The following LIN7A variants were observed in gnomAD, a reference collection of about 807,000 sequenced individuals.
LIN7A encodes lin-7 cell polarity scaffold A, also known as protein lin-7 homolog A.
LIN7A carries 25 observed loss-of-function variants against 29.8 expected under a neutral mutation model. The ratio of observed to expected loss-of-function variants is 0.84; its 90% CI spans 0.61 to 1.17. The LOEUF (loss-of-function observed/expected upper bound fraction) is 1.17, where lower values mean the gene tolerates loss of function less well. Among genes scored for constraint, LIN7A ranks in the 50% most tolerant of loss-of-function variants. The pLI is 0.00. For synonymous variants in LIN7A, 118 were observed against 107.5 expected, an observed-to-expected ratio of 1.10 and a Z score of -0.60; for missense variants, 239 against 287.0, an observed-to-expected ratio of 0.83 and a Z score of 1.21.
intron 1 of LIN7A, among the ~76,000 whole-genome samples, chr12:80,905,699 AT>A (rs1486755240): frequency 6.6e-6 from 1 of 152,160 alleles, no homozygotes; most frequent in Non-Finnish European, 1.5e-5. Context: ...TGCTAATGGC[AT>A]CTTGGTAACA....
chr12:80,842,002 G>A (rs935800473), intron 4 of LIN7A: 27 of 1,272,910 alleles, frequency 2.1e-5, no homozygotes, highest in Non-Finnish European at 2.6e-5. Context: ...TGTATTAGGT[G>A]GTTCAATGTC....
At chr12:80,893,087 AC>A (rs1875709214) in intron 1 of LIN7A, among the ~76,000 whole-genome samples, 1 of 152,134 alleles carries the variant, frequency 6.6e-6, no homozygotes, top group African/African-American at 2.4e-5. Flanking sequence ...TAGTTTACAG[AC>A]CCCAGAGAGA....
intron 4 of LIN7A, among the ~76,000 whole-genome samples, chr12:80,831,148 G>T (rs774535511): frequency 6.6e-6 from 1 of 152,014 alleles, no homozygotes; most frequent in Non-Finnish European, 1.5e-5. Flanking sequence ...CCTAATAAAT[G>T]CTTATTGAGT....
chr12:80,814,137 T>G (rs1280390170), intron 4 of LIN7A, among the ~76,000 whole-genome samples: 2 of 152,224 alleles, frequency 1.3e-5, no homozygotes, highest in Non-Finnish European at 2.9e-5. Context: ...AAGGGATCAT[T>G]TGATCATTGG....
At chr12:80,821,003 G>C (rs1211806727) in intron 4 of LIN7A, among the ~76,000 whole-genome samples, 3 of 152,178 alleles carry the variant, frequency 2.0e-5, no homozygotes, top group Non-Finnish European at 2.9e-5. Context: ...ATAGGGAAAG[G>C]GTTATGGAAG....
At chr12:80,873,779 A>G (rs943960389) in intron 2 of LIN7A, among the ~76,000 whole-genome samples, 1 of 151,724 alleles carries the variant, frequency 6.6e-6, no homozygotes, top group Non-Finnish European at 1.5e-5. Context: ...CCTCACCTGG[A>G]CTATTCTAAG....
intron 4 of LIN7A, among the ~76,000 whole-genome samples, chr12:80,844,251 C>T (rs1021423974): frequency 6.6e-6 from 1 of 151,964 alleles, no homozygotes; most frequent in Non-Finnish European, 1.5e-5. Context: ...CAATAAAAAG[C>T]TTATCTCAAA....
chr12:80,924,379 T>C (rs1177716735), intron 1 of LIN7A, among the ~76,000 whole-genome samples: 2 of 152,216 alleles, frequency 1.3e-5, no homozygotes, highest in African/African-American at 4.8e-5. Context: ...ATTTATTGCA[T>C]TGGGGAAAAT....
intron 2 of LIN7A, 134 bp from the exon 3 acceptor site, chr12:80,848,456 G>A (rs1873180532): frequency 1.6e-6 from 1 of 638,470 alleles, no homozygotes; most frequent in African/African-American, 1.8e-5. Flanking sequence ...CTGATGTTTG[G>A]GAATGTACCT....
intron 5 of LIN7A, among the ~76,000 whole-genome samples, chr12:80,810,486 A>T (rs1184663209): frequency 6.6e-6 from 1 of 151,964 alleles, no homozygotes; most frequent in East Asian, 1.9e-4. Context: ...TAAAAAATGT[A>T]TTCATCCCTT....
chr12:80,933,796 G>A (rs1878052180), intron 1 of LIN7A, among the ~76,000 whole-genome samples: 2 of 152,080 alleles, frequency 1.3e-5, no homozygotes, highest in African/African-American at 2.4e-5. Flanking sequence ...TCAGGAGGGT[G>A]TTCCTTTACT....
chr12:80,818,525 C>A (rs1871643005), intron 4 of LIN7A, among the ~76,000 whole-genome samples: 2 of 152,112 alleles, frequency 1.3e-5, no homozygotes, highest in African/African-American at 4.8e-5. Flanking sequence ...GAGGCTCTTA[C>A]CTACCAATCC....
chr12:80,883,778 A>T (rs1875189006), intron 2 of LIN7A, among the ~76,000 whole-genome samples: 1 of 152,230 alleles, frequency 6.6e-6, no homozygotes, highest in Non-Finnish European at 1.5e-5. Context: ...TAGGTAGCCA[A>T]GTTGGGATTC....
At chr12:80,924,585 T>A (rs939232735) in intron 1 of LIN7A, among the ~76,000 whole-genome samples, 1 of 152,218 alleles carries the variant, frequency 6.6e-6, no homozygotes, top group Admixed American at 6.5e-5. Context: ...CAAGGTTATA[T>A]GGCTAGGATG....
At chr12:80,884,771 A>C (rs1200200798) in intron 2 of LIN7A, among the ~76,000 whole-genome samples, 1 of 152,148 alleles carries the variant, frequency 6.6e-6, no homozygotes, top group Non-Finnish European at 1.5e-5. Flanking sequence ...GAAAATACTA[A>C]CATTCAATTT....
chr12:80,920,337 G>A (rs914608005), intron 1 of LIN7A, among the ~76,000 whole-genome samples: 2 of 152,098 alleles, frequency 1.3e-5, no homozygotes, highest in Admixed American at 6.6e-5. Context: ...AGATATATTT[G>A]ATATCAGGGC....
intron 2 of LIN7A, among the ~76,000 whole-genome samples, chr12:80,856,330 T>G (rs7978990): frequency 0.34 from 52,014 of 152,058 alleles, 10,516 homozygotes; most frequent in African/African-American, 0.57. Context: ...GACAACATCT[T>G]TGTTAGGTCG....
At chr12:80,817,430 T>C (rs756557055) in intron 4 of LIN7A, among the ~76,000 whole-genome samples, 1 of 152,264 alleles carries the variant, frequency 6.6e-6, no homozygotes, top group African/African-American at 2.4e-5. Context: ...TACATAGATA[T>C]CATCTTGATC....
intron 1 of LIN7A, among the ~76,000 whole-genome samples, chr12:80,927,808 G>C (rs1218402418): frequency 6.6e-6 from 1 of 151,980 alleles, no homozygotes; most frequent in Non-Finnish European, 1.5e-5. Context: ...TGCTGCACCC[G>C]TCAACTCGTC....
Sources: gnomAD v4.1 joint callset for allele counts (sites outside exome capture counted in the v4.1 genomes callset) on GRCh38, gnomAD v4.1.1 for gene constraint, MANE v1.5 for transcripts, NCBI Gene and HGNC (gene_info 2026-07-23, HGNC 2026-07-21) for gene names.